Variants in HS3ST5 observed in about 807,000 individuals in gnomAD.
HS3ST5 encodes the protein heparan sulfate-glucosamine 3-sulfotransferase 5, also known as heparan sulfate glucosamine 3-O-sulfotransferase 5.
HS3ST5 carries 10 observed loss-of-function variants against 25.4 expected under a neutral mutation model. The observed-to-expected ratio is 0.39, with a 90% CI of 0.24 to 0.67. The LOEUF (loss-of-function observed/expected upper bound fraction) is 0.67, where lower values mean the gene tolerates loss of function less well. HS3ST5 is among the 30% of genes least tolerant of loss of function. HS3ST5 has a pLI of 0.44. For missense variants in HS3ST5, 324 were observed against 420.7 expected (o/e 0.77, Z 2.01); for synonymous variants, 170 against 162.4 (o/e 1.05, Z -0.36).
At chr6:114,084,480 T>C (rs1218188871) in intron 3 of HS3ST5, 1 of 757,686 alleles carries the variant, frequency 1.3e-6, no homozygotes, top group East Asian at 2.4e-5. Context: ...CCCGCGGGTA[T>C]TCACGGGAAA....
At chr6:114,237,317 A>T (rs959791940) in intron 1 of HS3ST5, among the ~76,000 whole-genome samples, 4 of 149,106 alleles carry the variant, frequency 2.7e-5, no homozygotes, top group African/African-American at 9.9e-5. Flanking sequence ...AAAATAAAAC[A>T]AGATACGAGT....
Position 114,056,845 on chromosome 6 carries a change from G to GA in HS3ST5, c.*411dup, listed in dbSNP as rs796353937. 1,304 of 152,728 alleles carry GA rather than the reference G, an allele frequency of 8.5e-3. 15 individuals carry two copies. Among genetic ancestry groups the GA allele is most frequent in the African/African-American group, 0.022 (891 of 40,728 alleles). The allele number at this position is 152,728 out of a possible 1,614,324, so 9.5% of individuals were successfully genotyped here. On this transcript the variant is annotated 3_prime_UTR_variant, in exon 5 of 5. Coordinates refer to ENST00000312719, the MANE Select transcript of HS3ST5 (RefSeq NM_153612.4). ...AATTAAAGAGCCAGCTTTCCCTTAG[G>GA]AAAAAAAAAATGCATCACTGGATCC...
intron 1 of HS3ST5, among the ~76,000 whole-genome samples, chr6:114,316,400 T>A (rs529086469): frequency 2.0e-4 from 31 of 152,248 alleles, no homozygotes; most frequent in African/African-American, 6.5e-4. Flanking sequence ...ACATTGGCCA[T>A]CTGTTGGAGG....
At chr6:114,104,180 C>A (rs746934056) in intron 3 of HS3ST5, among the ~76,000 whole-genome samples, 1 of 151,996 alleles carries the variant, frequency 6.6e-6, no homozygotes, top group Non-Finnish European at 1.5e-5. Context: ...AAACCCAGAT[C>A]CTCTGACCCC....
chr6:114,175,970 CTAG>C (rs1381208857), intron 2 of HS3ST5, among the ~76,000 whole-genome samples: 10 of 152,264 alleles, frequency 6.6e-5, no homozygotes, highest in Admixed American at 4.6e-4. Context: ...AAATATTTCA[CTAG>C]TAACACCCAC....
chr6:114,293,663 C>T (rs906126606), intron 1 of HS3ST5, among the ~76,000 whole-genome samples: 1 of 152,112 alleles, frequency 6.6e-6, no homozygotes, highest in Non-Finnish European at 1.5e-5. Flanking sequence ...GATAATAATA[C>T]ATAAGAGCAT....
In HS3ST5 at chr6:114,303,337, C is replaced by T. The variant is rs139783494; in HGVS notation, c.-339+38858G>A. Among the ~76,000 whole-genome samples the T allele has an allele frequency of 8.1e-3, 1,203 of 148,518 alleles. 16 individuals carry two copies. The highest frequency in any genetic ancestry group is 0.028 in the African/African-American group (1,127 of 40,062). On this transcript the variant is annotated intron_variant, in intron 1 of 4. Transcript: ENST00000312719. ...CCACCCCCACCTCAAAAGAAACCTGCCACATTTTAGCTTCACTGGTTTCCT... is the reference window on the plus strand; with the variant it reads ...CCACCCCCACCTCAAAAGAAACCTGTCACATTTTAGCTTCACTGGTTTCCT...
chr6:114,283,331 G>C (rs574654915), intron 1 of HS3ST5, among the ~76,000 whole-genome samples: 3 of 151,872 alleles, frequency 2.0e-5, no homozygotes, highest in South Asian at 4.2e-4. Flanking sequence ...TGCACTGACA[G>C]TAATCATAAC....
intron 3 of HS3ST5, among the ~76,000 whole-genome samples, chr6:114,070,185 A>G (rs1163632716): frequency 1.3e-5 from 2 of 151,956 alleles, no homozygotes; most frequent in East Asian, 3.9e-4. Flanking sequence ...GAGATTCTTA[A>G]TAAATATTCG....
At chr6:114,276,186 T>G (rs1374401443) in intron 1 of HS3ST5, among the ~76,000 whole-genome samples, 1 of 151,708 alleles carries the variant, frequency 6.6e-6, no homozygotes, top group Non-Finnish European at 1.5e-5. Flanking sequence ...TGTTAGTTCT[T>G]TAATAACACC....
chr6:114,077,603 G>A (rs552437595), intron 3 of HS3ST5, among the ~76,000 whole-genome samples: 5 of 152,276 alleles, frequency 3.3e-5, no homozygotes, highest in African/African-American at 1.2e-4. Context: ...CAGTTAAAGA[G>A]TTCCAGTTAA....
At chr6:114,105,514 A>G (rs1265775714) in intron 3 of HS3ST5, among the ~76,000 whole-genome samples, 2 of 152,210 alleles carry the variant, frequency 1.3e-5, no homozygotes, top group East Asian at 1.9e-4. Context: ...TATATTTTTT[A>G]TTTATTTGAT....
intron 3 of HS3ST5, among the ~76,000 whole-genome samples, chr6:114,119,087 A>C (rs1776664028): frequency 6.6e-6 from 1 of 152,246 alleles, no homozygotes; most frequent in Non-Finnish European, 1.5e-5. Context: ...CACCTGATTC[A>C]AAAAGAACGA....
At chr6:114,284,027 A>G (rs960522615) in intron 1 of HS3ST5, among the ~76,000 whole-genome samples, 1 of 151,954 alleles carries the variant, frequency 6.6e-6, no homozygotes, top group Non-Finnish European at 1.5e-5. Flanking sequence ...TGTTAATTAT[A>G]TGTGTGCCTT....
Position 114,058,004 on chromosome 6 carries a change from C to A in HS3ST5, c.294G>T (p.Val98=). ...GCAGGGCCCTTGTGCCTCCTTTCCT[C>A]ACCCCAATGATAATGGCCTTGGGGA... The part of the protein sequence containing the change: ...QQLPKAIIIG[V]RKGGTRALLE... Residue 98 remains valine, a synonymous_variant, in exon 5 of 5, where the codon GTG becomes GTT. Coordinates refer to ENST00000312719, the MANE Select transcript of HS3ST5 (RefSeq NM_153612.4). 1 of 1,614,226 alleles carries A rather than the reference C, an allele frequency of 6.2e-7. No homozygotes were observed. The highest frequency in any genetic ancestry group is 8.5e-7 in the Non-Finnish European group (1 of 1,180,042).
intron 1 of HS3ST5, among the ~76,000 whole-genome samples, chr6:114,264,158 A>T (rs894447573): frequency 2.0e-5 from 3 of 152,234 alleles, no homozygotes; most frequent in Non-Finnish European, 2.9e-5. Context: ...GTAGAGCCAC[A>T]TTACTATGTG....
chr6:114,157,420 G>T (rs1778749949), intron 3 of HS3ST5, among the ~76,000 whole-genome samples: 1 of 152,146 alleles, frequency 6.6e-6, no homozygotes, highest in African/African-American at 2.4e-5. Context: ...TGTTGCCAGG[G>T]GCTGGGAGTT....
chr6:114,155,192 TATG>T (rs1424552292), intron 3 of HS3ST5, among the ~76,000 whole-genome samples: 2 of 152,246 alleles, frequency 1.3e-5, no homozygotes, highest in Admixed American at 1.3e-4. Flanking sequence ...TGTATTTTAT[TATG>T]ATACAAATTT....
intron 1 of HS3ST5, among the ~76,000 whole-genome samples, chr6:114,291,080 C>A (rs181805444): frequency 6.6e-6 from 1 of 152,132 alleles, no homozygotes; most frequent in Admixed American, 6.5e-5. Context: ...CATTCTCAGG[C>A]CCTATCCAGG....
Sources: allele counts gnomAD v4.1 joint callset (sites outside exome capture counted in the v4.1 genomes callset), GRCh38; gene constraint gnomAD v4.1.1; transcripts MANE v1.5; gene names NCBI Gene and HGNC (gene_info 2026-07-23, HGNC 2026-07-21).